SUGCT: variants seen among roughly 807,000 people sequenced by gnomAD.
The protein encoded by SUGCT is succinyl-CoA:glutarate CoA-transferase.
SUGCT carries 41 observed loss-of-function variants against 55.0 expected under a neutral mutation model. The ratio of observed to expected loss-of-function variants is 0.74; its 90% CI spans 0.58 to 0.97. SUGCT has a LOEUF of 0.97. SUGCT is among the 50% of genes least tolerant of loss of function. The pLI is 0.00. For missense variants in SUGCT, 568 were observed against 547.8 expected, an observed-to-expected ratio of 1.04 and a Z score of -0.37; for synonymous variants, 187 against 200.4, an observed-to-expected ratio of 0.93 and a Z score of 0.56.
chr7:40,844,011 G>A (rs1483819169), intron 13 of SUGCT, among the ~76,000 whole-genome samples: 1 of 152,032 alleles, frequency 6.6e-6, no homozygotes, highest in East Asian at 1.9e-4. Context: ...GGAGTACTCA[G>A]GTGAGTGGGT....
chr7:40,449,161 A>G (rs1789046539), intron 9 of SUGCT, 126 bp from the exon 10 acceptor site: 1 of 623,434 alleles, frequency 1.6e-6, no homozygotes. Context: ...AAAGATACAA[A>G]TTAATCGATA....
chr7:40,407,271 A>G (rs968750527), intron 9 of SUGCT, among the ~76,000 whole-genome samples: 2 of 152,106 alleles, frequency 1.3e-5, no homozygotes, highest in Non-Finnish European at 2.9e-5. Flanking sequence ...GAAATATAAT[A>G]AATGTAGCTG....
chr7:40,796,063 G>C (rs890795266), intron 13 of SUGCT, among the ~76,000 whole-genome samples: 1 of 151,668 alleles, frequency 6.6e-6, no homozygotes, highest in African/African-American at 2.4e-5. Flanking sequence ...TAACCCATTT[G>C]GATCCTAGAC....
In SUGCT at chr7:40,164,040, G is replaced by A. The variant is rs145681969; in HGVS notation, c.101-16907G>A. ...TTCACTAGTTGGCCAGGATGGTCTC[G>A]AACTCCTGGCCTCAGGCGATCTGTC... On this transcript the variant is annotated intron_variant, in intron 1 of 13. Transcript: ENST00000335693. Among the ~76,000 whole-genome samples, 364 of 151,726 alleles carry A rather than the reference G, an allele frequency of 2.4e-3. 4 individuals are homozygous for A. The highest frequency in any genetic ancestry group is 8.0e-3 in the African/African-American group (332 of 41,394).
intron 12 of SUGCT, among the ~76,000 whole-genome samples, chr7:40,549,215 T>C (rs987991105): frequency 1.3e-5 from 2 of 152,228 alleles, no homozygotes; most frequent in Non-Finnish European, 2.9e-5. Context: ...GAGGCTTCAT[T>C]ATGTTTCTGC....
chr7:40,736,565 T>C (rs560516604), intron 12 of SUGCT, among the ~76,000 whole-genome samples: 1 of 151,904 alleles, frequency 6.6e-6, no homozygotes, highest in Admixed American at 6.6e-5. Context: ...ACAGAAGACA[T>C]AGAGATCTTT....
At chr7:40,210,338 G>A (rs996466903) in intron 6 of SUGCT, among the ~76,000 whole-genome samples, 2 of 152,116 alleles carry the variant, frequency 1.3e-5, no homozygotes, top group Middle Eastern at 3.4e-3. Flanking sequence ...GAGCCACCAC[G>A]CCTGGCCTAC....
chr7:40,249,484 A>G (rs1359234454), intron 7 of SUGCT, among the ~76,000 whole-genome samples: 1 of 148,528 alleles, frequency 6.7e-6, no homozygotes, highest in Non-Finnish European at 1.5e-5. Context: ...TGCCTAGGAA[A>G]GAACTTCACG....
chr7:40,805,719 A>G (rs1309350827), intron 13 of SUGCT, among the ~76,000 whole-genome samples: 1 of 152,202 alleles, frequency 6.6e-6, no homozygotes, highest in Non-Finnish European at 1.5e-5. Flanking sequence ...TCTTGCAAAG[A>G]GGCAGGCAAT....
intron 12 of SUGCT, among the ~76,000 whole-genome samples, chr7:40,722,605 G>A (rs1244378362): frequency 6.6e-6 from 1 of 152,142 alleles, no homozygotes; most frequent in Non-Finnish European, 1.5e-5. Context: ...ACAGAAAATG[G>A]AGTGAGCCTT....
At chr7:40,398,307 G>A (rs949977418) in intron 9 of SUGCT, among the ~76,000 whole-genome samples, 1 of 152,126 alleles carries the variant, frequency 6.6e-6, no homozygotes, top group African/African-American at 2.4e-5. Flanking sequence ...GGCCGGGCTG[G>A]TCTTGAACTC....
intron 13 of SUGCT, among the ~76,000 whole-genome samples, chr7:40,819,699 T>G (rs1163402840): frequency 6.6e-6 from 1 of 152,206 alleles, no homozygotes; most frequent in African/African-American, 2.4e-5. Flanking sequence ...TTTCTCCCAT[T>G]CTTTAGGTTG....
At chr7:40,465,347 C>T (rs887400436) in intron 11 of SUGCT, among the ~76,000 whole-genome samples, 8 of 152,130 alleles carry the variant, frequency 5.3e-5, no homozygotes, top group Non-Finnish European at 1.2e-4. Context: ...CAGTGGTTCA[C>T]GCCTGTAATC....
intron 9 of SUGCT, among the ~76,000 whole-genome samples, chr7:40,327,251 A>C (rs974310700): frequency 7.9e-6 from 1 of 127,060 alleles, no homozygotes; most frequent in Admixed American, 8.8e-5. Context: ...AAGCAAGACA[A>C]AATCTTTTGT....
chr7:40,315,378 G>A (rs750118556), intron 8 of SUGCT, among the ~76,000 whole-genome samples: 96 of 152,192 alleles, frequency 6.3e-4, no homozygotes, highest in Non-Finnish European at 6.2e-4. Flanking sequence ...GCGGCCCCAG[G>A]CAGCCCTGGA....
At chr7:40,356,527 G>A (rs1011443930) in intron 9 of SUGCT, among the ~76,000 whole-genome samples, 1 of 152,108 alleles carries the variant, frequency 6.6e-6, no homozygotes, top group African/African-American at 2.4e-5. Context: ...AAACTTCTAG[G>A]ACTAACTGGC....
At chr7:40,747,298 T>C (rs1405447045) in intron 12 of SUGCT, among the ~76,000 whole-genome samples, 1 of 152,150 alleles carries the variant, frequency 6.6e-6, no homozygotes, top group Non-Finnish European at 1.5e-5. Context: ...TATTTAGCCA[T>C]AGCAAAACTG....
intron 12 of SUGCT, among the ~76,000 whole-genome samples, chr7:40,632,262 C>A (rs189143250): frequency 6.6e-6 from 1 of 152,006 alleles, no homozygotes; most frequent in Non-Finnish European, 1.5e-5. Flanking sequence ...AAGCTCAAGC[C>A]TTGAAAAGCT....
At chr7:40,279,022 T>TA (rs1554300692) in intron 8 of SUGCT, among the ~76,000 whole-genome samples, 2 of 146,856 alleles carry the variant, frequency 1.4e-5, no homozygotes, top group Non-Finnish European at 3.0e-5. Context: ...TTTTTAGAGA[T>TA]GGGGGGGTCT....
Sources: allele counts gnomAD v4.1 joint callset (sites outside exome capture counted in the v4.1 genomes callset), GRCh38; gene constraint gnomAD v4.1.1; transcripts MANE v1.5; gene names NCBI Gene and HGNC (gene_info 2026-07-23, HGNC 2026-07-21).